PTPRM: variants seen among roughly 807,000 people sequenced by gnomAD.
PTPRM encodes protein tyrosine phosphatase receptor type M, also known as receptor-type tyrosine-protein phosphatase mu.
PTPRM carries 47 observed loss-of-function variants against 186.7 expected under a neutral mutation model. The ratio of observed to expected loss-of-function variants is 0.25; its 90% CI spans 0.20 to 0.32. PTPRM has a LOEUF of 0.32. Among genes scored for constraint, PTPRM ranks in the 10% least tolerant of loss-of-function variants. The pLI, the probability that PTPRM is intolerant of heterozygous loss-of-function variation, is 1.00. For missense variants in PTPRM, 1,494 were observed against 1,865.0 expected (o/e 0.80, Z 3.66); for synonymous variants, 668 against 674.9 (o/e 0.99, Z 0.16).
chr18:7,920,619 G>A (rs911628126), intron 4 of PTPRM, among the ~76,000 whole-genome samples: 6 of 152,066 alleles, frequency 3.9e-5, no homozygotes, highest in African/African-American at 1.4e-4. Context: ...CAATACTTAC[G>A]AATAGATTGC....
chr18:7,751,936 C>A (rs2041238401), intron 1 of PTPRM, among the ~76,000 whole-genome samples: 1 of 152,130 alleles, frequency 6.6e-6, no homozygotes, highest in Non-Finnish European at 1.5e-5. Flanking sequence ...TTGAGTGCTA[C>A]CAATGTGAAG....
At chr18:7,895,014 C>A (rs1172041486) in intron 3 of PTPRM, among the ~76,000 whole-genome samples, 3 of 152,140 alleles carry the variant, frequency 2.0e-5, no homozygotes, top group Non-Finnish European at 4.4e-5. Flanking sequence ...TTAATGAATT[C>A]TTTTAAAGGA....
intron 1 of PTPRM, among the ~76,000 whole-genome samples, chr18:7,581,593 T>G (rs1010193234): frequency 2.6e-5 from 4 of 152,126 alleles, no homozygotes; most frequent in African/African-American, 7.2e-5. Context: ...GTAAATTAGT[T>G]TCAAATCTCA....
intron 19 of PTPRM, among the ~76,000 whole-genome samples, chr18:8,278,862 A>G (rs1439084431): frequency 6.6e-6 from 1 of 152,126 alleles, no homozygotes; most frequent in Non-Finnish European, 1.5e-5. Context: ...CCAGAGATGT[A>G]TTTATGCACA....
At chr18:8,353,300 G>GTGTT (rs1264006854) in intron 23 of PTPRM, among the ~76,000 whole-genome samples, 1 of 152,158 alleles carries the variant, frequency 6.6e-6, no homozygotes, top group African/African-American at 2.4e-5. Flanking sequence ...GGCAGTGTGT[G>GTGTT]TGTTTGTTTG....
chr18:8,349,844 T>G (rs2148313469), intron 23 of PTPRM, among the ~76,000 whole-genome samples: 1 of 152,312 alleles, frequency 6.6e-6, no homozygotes, highest in South Asian at 2.1e-4. Context: ...GCTTGGGAAT[T>G]CACAGTCTTT....
intron 20 of PTPRM, among the ~76,000 whole-genome samples, chr18:8,305,746 C>G (rs887014338): frequency 6.6e-6 from 1 of 152,196 alleles, no homozygotes; most frequent in African/African-American, 2.4e-5. Flanking sequence ...TTAAAAGTAT[C>G]TCCACCTCCT....
chr18:8,036,725 G>T (rs2086356248), intron 7 of PTPRM, among the ~76,000 whole-genome samples: 1 of 152,112 alleles, frequency 6.6e-6, no homozygotes. Flanking sequence ...TCTGACTTCT[G>T]CACCATTTCC....
chr18:7,965,822 A>G (rs1599758289), intron 7 of PTPRM, among the ~76,000 whole-genome samples: 1 of 152,074 alleles, frequency 6.6e-6, no homozygotes, highest in African/African-American at 2.4e-5. Flanking sequence ...TTCTCTTCTT[A>G]TTCACCCAGC....
chr18:8,126,360 GTA>G (rs376111942), intron 13 of PTPRM, among the ~76,000 whole-genome samples: 2 of 151,238 alleles, frequency 1.3e-5, no homozygotes, highest in Non-Finnish European at 2.9e-5. Flanking sequence ...TTTTTAATAT[GTA>G]TATATATATA....
intron 1 of PTPRM, among the ~76,000 whole-genome samples, chr18:7,667,255 C>G (rs964238686): frequency 6.6e-6 from 1 of 152,110 alleles, no homozygotes; most frequent in Non-Finnish European, 1.5e-5. Context: ...AGGAAAAATG[C>G]GGAGGACCAC....
chr18:8,327,094 T>C (rs1346026855), intron 22 of PTPRM, among the ~76,000 whole-genome samples: 1 of 152,218 alleles, frequency 6.6e-6, no homozygotes. Context: ...GTGAACAAAC[T>C]TAAACTGTGC....
At chr18:8,196,024 T>G (rs906254764) in intron 14 of PTPRM, among the ~76,000 whole-genome samples, 1 of 152,226 alleles carries the variant, frequency 6.6e-6, no homozygotes, top group Admixed American at 6.5e-5. Context: ...ACTCAAGCAC[T>G]CTGACCAGCT....
rs558669219 is a variant in PTPRM, at chr18:8,325,056, C to G, written c.2956+5842C>G. On this transcript the variant is annotated intron_variant, in intron 22 of 32. Transcript: ENST00000580170. ...ACATTGTCTGAACTCAACCCCCAAC[C>G]CTGGTTCCTCCATTGGCAACTTGTG... Among the ~76,000 whole-genome samples the G allele has an allele frequency of 8.5e-5, 13 of 152,316 alleles. No homozygotes were observed. In the East Asian group the frequency reaches 1.7e-3, roughly 20 times the overall value.
intron 1 of PTPRM, among the ~76,000 whole-genome samples, chr18:7,577,519 C>A (rs953388401): frequency 6.6e-6 from 1 of 152,070 alleles, no homozygotes; most frequent in African/African-American, 2.4e-5. Flanking sequence ...ATGAATTATA[C>A]CTACACAGAG....
At position 8,076,421 on chromosome 18, in the gene PTPRM, A is replaced by G. The variant is rs374970663; in HGVS notation, c.1442-34A>G. 217 of 1,227,908 alleles carry G rather than the reference A, an allele frequency of 1.8e-4. 2 individuals are homozygous for G. The highest frequency in any genetic ancestry group is 1.3e-4 in the Admixed American group (7 of 55,918). The allele number at this position is 1,227,908 out of a possible 1,614,324, so 76.1% of individuals were successfully genotyped here. ...AAAATCTACTTTTTAATTGTTTATT[A>G]CTTAAACATTTATTTCCTCCCACCC... On this transcript the variant is annotated intron_variant, in intron 8 of 32. Transcript: ENST00000580170.
intron 1 of PTPRM, among the ~76,000 whole-genome samples, chr18:7,648,459 C>G (rs919783409): frequency 6.6e-6 from 1 of 152,052 alleles, no homozygotes; most frequent in Non-Finnish European, 1.5e-5. Context: ...TGTTGAAAGC[C>G]GAGATAGGCA....
chr18:7,804,506 T>A (rs1252809812), intron 2 of PTPRM, among the ~76,000 whole-genome samples: 3 of 152,218 alleles, frequency 2.0e-5, no homozygotes, highest in Non-Finnish European at 4.4e-5. Flanking sequence ...ATGGGGCCAC[T>A]GTGTAAATTT....
intron 24 of PTPRM, among the ~76,000 whole-genome samples, chr18:8,374,594 C>A (rs574696300): frequency 6.6e-6 from 1 of 152,286 alleles, no homozygotes; most frequent in African/African-American, 2.4e-5. Context: ...GGAATTTGGG[C>A]TCCTAACCAC....
Sources: gnomAD v4.1 joint callset for allele counts (sites outside exome capture counted in the v4.1 genomes callset) on GRCh38, gnomAD v4.1.1 for gene constraint, MANE v1.5 for transcripts, NCBI Gene and HGNC (gene_info 2026-07-23, HGNC 2026-07-21) for gene names.